Variants in RNF24 observed in about 807,000 individuals in gnomAD.
RNF24 encodes ring finger protein 24.
A neutral mutation model predicts 20.0 loss-of-function variants in RNF24; 14 were observed. That is an observed-to-expected ratio of 0.70 (90% CI 0.46 to 1.10). RNF24 has a LOEUF of 1.10. Among genes scored for constraint, RNF24 ranks in the 50% least tolerant of loss-of-function variants. The pLI is 0.00. For missense variants in RNF24, 124 were observed against 177.6 expected (o/e 0.70, Z 1.71); for synonymous variants, 45 against 61.1 (o/e 0.74, Z 1.23).
intron 1 of RNF24, among the ~76,000 whole-genome samples, chr20:3,970,556 G>A (rs539998613): frequency 3.3e-5 from 5 of 152,190 alleles, no homozygotes; most frequent in African/African-American, 9.6e-5. Context: ...TAAAGTAGCC[G>A]TCATCAAATT....
intron 1 of RNF24, among the ~76,000 whole-genome samples, chr20:3,991,247 CTTTTTTTTT>C (rs10599625): frequency 1.7e-4 from 14 of 82,778 alleles, no homozygotes; most frequent in Non-Finnish European, 3.4e-4. Context: ...TTTTAAACAA[CTTTTTTTTT>C]TTTTTTTTTT....
intron 1 of RNF24, among the ~76,000 whole-genome samples, chr20:3,998,409 T>C (rs1981070148): frequency 6.6e-6 from 1 of 151,526 alleles, no homozygotes; most frequent in Non-Finnish European, 1.5e-5. Flanking sequence ...ACCCCGTCTC[T>C]ACTAAAAATA....
intron 1 of RNF24, among the ~76,000 whole-genome samples, chr20:3,982,448 G>A (rs377755267): frequency 6.6e-5 from 10 of 151,510 alleles, no homozygotes; most frequent in African/African-American, 2.4e-4. Flanking sequence ...CTGGTGGTGC[G>A]TGCCTGTAAT....
intron 3 of RNF24, among the ~76,000 whole-genome samples, chr20:3,947,669 C>A (rs1412260865): frequency 2.0e-5 from 3 of 152,220 alleles, no homozygotes; most frequent in Non-Finnish European, 4.4e-5. Context: ...CAAGCTATAG[C>A]ATTTCTCTTT....
Position 3,927,452 on chromosome 20 carries a change from T to C in RNF24, c.*6611A>G, listed in dbSNP as rs2090739910. 6.6e-6 allele frequency: 1 copy of C among 152,210 alleles called. No homozygotes were observed. The highest frequency in any genetic ancestry group is 1.5e-5 in the Non-Finnish European group (1 of 68,030). The allele number at this position is 152,210 out of a possible 1,614,324, so 9.4% of individuals were successfully genotyped here. On this transcript the variant is annotated 3_prime_UTR_variant, in exon 6 of 6. Coordinates refer to ENST00000358395, the MANE Select transcript of RNF24 (RefSeq NM_001134337.3). ...TATAGCTTACAAAAAACTGCGAATG[T>C]TTAAAAATATTCTGCTGCAGAATTT...
intron 4 of RNF24, among the ~76,000 whole-genome samples, chr20:3,939,605 T>C (rs975746019): frequency 3.3e-5 from 5 of 152,194 alleles, no homozygotes; most frequent in African/African-American, 1.2e-4. Flanking sequence ...TAGCTTTGTA[T>C]AGTAAGTTTT....
chr20:3,943,302 T>G (rs1004801936), intron 4 of RNF24, among the ~76,000 whole-genome samples: 42 of 136,102 alleles, frequency 3.1e-4, no homozygotes, highest in Middle Eastern at 3.7e-3. Context: ...CCCAGCAGGA[T>G]TTTTTTTTTT....
chr20:3,970,907 A>G (rs1978324715), intron 1 of RNF24, among the ~76,000 whole-genome samples: 1 of 152,048 alleles, frequency 6.6e-6, no homozygotes, highest in Non-Finnish European at 1.5e-5. Flanking sequence ...TTATCCAGGC[A>G]TGGTGGTGGG....
At chr20:3,977,353 G>C (rs573347519) in intron 1 of RNF24, among the ~76,000 whole-genome samples, 1 of 152,202 alleles carries the variant, frequency 6.6e-6, no homozygotes, top group Admixed American at 6.5e-5. Context: ...GTCTAAATAC[G>C]TGTTTTAAAA....
At chr20:4,008,792 G>A (rs1227960590) in intron 1 of RNF24, among the ~76,000 whole-genome samples, 7 of 151,146 alleles carry the variant, frequency 4.6e-5, no homozygotes, top group African/African-American at 7.3e-5. Flanking sequence ...TGATCCACCC[G>A]CCTTGACCTC....
chr20:3,954,114 G>A lies in RNF24; in HGVS notation c.144-5835C>T, dbSNP rs143745719. Among the ~76,000 whole-genome samples the A allele has an allele frequency of 3.5e-3, 536 of 151,946 alleles. 2 individuals carry two copies. The highest frequency in any genetic ancestry group is 0.011 in the African/African-American group (452 of 41,432). On this transcript the variant is annotated intron_variant, in intron 2 of 5. Coordinates refer to ENST00000358395, the MANE Select transcript of RNF24 (RefSeq NM_001134337.3). ...ATTTTTACTCACATTACAACTAACC[G>A]CCTTCAAGTATACAATTCAGTGGTA...
chr20:3,964,090 T>C (rs2091232672), intron 1 of RNF24, 66 bp from the exon 2 acceptor site: 1 of 1,428,306 alleles, frequency 7.0e-7, no homozygotes, highest in Non-Finnish European at 9.7e-7. Context: ...GCATTATCAT[T>C]GTGCACGTAT....
Position 3,930,520 on chromosome 20 carries a change from G to C in RNF24, c.*3543C>G, listed in dbSNP as rs886772987. The C allele has an allele frequency of 1.3e-5, 2 of 148,786 alleles. No homozygotes were observed. The highest frequency in any genetic ancestry group is 2.9e-5 in the Non-Finnish European group (2 of 68,032). The allele number at this position is 148,786 out of a possible 1,614,324, so 9.2% of individuals were successfully genotyped here. ...ACGTTACTACAATCCCTGGGTGGTA[G>C]CTAAGGAAGCTAAGGAAGAGACTGA... On this transcript the variant is annotated 3_prime_UTR_variant, in exon 6 of 6. Transcript: ENST00000358395.
intron 2 of RNF24, 82 bp from the exon 3 acceptor site, chr20:3,948,361 T>A: frequency 1.1e-6 from 1 of 949,200 alleles, no homozygotes; most frequent in Non-Finnish European, 1.6e-6. Context: ...CTGATTTTGG[T>A]ATTAATTTAT....
At chr20:3,952,750 C>A (rs2091096343) in intron 2 of RNF24, among the ~76,000 whole-genome samples, 1 of 150,500 alleles carries the variant, frequency 6.6e-6, no homozygotes. Flanking sequence ...ACTAGTTTAC[C>A]AAAAAAAATC....
At chr20:4,006,544 A>C (rs887394198) in intron 1 of RNF24, among the ~76,000 whole-genome samples, 6 of 152,252 alleles carry the variant, frequency 3.9e-5, no homozygotes, top group African/African-American at 1.2e-4. Flanking sequence ...GTAACCTGGA[A>C]GTTACTTACA....
intron 1 of RNF24, among the ~76,000 whole-genome samples, chr20:3,980,991 G>A (rs1221982326): frequency 1.3e-5 from 2 of 151,514 alleles, no homozygotes; most frequent in African/African-American, 4.9e-5. Flanking sequence ...GGAGGGGGCG[G>A]CCCTGAATGC....
intron 1 of RNF24, among the ~76,000 whole-genome samples, chr20:3,975,874 T>A (rs1978826971): frequency 6.7e-6 from 1 of 149,562 alleles, no homozygotes; most frequent in Non-Finnish European, 1.5e-5. Flanking sequence ...ACCTTGCTAT[T>A]TTTTTTTTTG....
At chr20:3,968,905 CA>C (rs374426076) in intron 1 of RNF24, among the ~76,000 whole-genome samples, 2,194 of 141,366 alleles carry the variant, frequency 0.016, 25 homozygotes, top group African/African-American at 0.03. Context: ...GATAAGTTTC[CA>C]AAAAAAAAAA....
Sources: allele counts gnomAD v4.1 joint callset (sites outside exome capture counted in the v4.1 genomes callset), GRCh38; gene constraint gnomAD v4.1.1; transcripts MANE v1.5; gene names NCBI Gene and HGNC (gene_info 2026-07-23, HGNC 2026-07-21).